ATG10: variants seen among roughly 807,000 people sequenced by gnomAD.
ATG10 encodes ubiquitin-like-conjugating enzyme ATG10.
ATG10 carries 30 observed loss-of-function variants against 32.1 expected under a neutral mutation model. The observed-to-expected ratio is 0.94, with a 90% CI of 0.70 to 1.27. The LOEUF (loss-of-function observed/expected upper bound fraction) is 1.27, where lower values mean the gene tolerates loss of function less well. Ranked by LOEUF, ATG10 falls within the 50% of genes most tolerant of loss-of-function variation. The pLI, the probability that ATG10 is intolerant of heterozygous loss-of-function variation, is 0.00. For missense variants in ATG10, 233 were observed against 262.3 expected (o/e 0.89, Z 0.77); for synonymous variants, 87 against 91.5 (o/e 0.95, Z 0.28).
At chr5:82,083,317 A>G (rs556483909) in intron 3 of ATG10, among the ~76,000 whole-genome samples, 13 of 152,314 alleles carry the variant, frequency 8.5e-5, no homozygotes, top group Non-Finnish European at 1.0e-4. Context: ...TTGCGTAGGT[A>G]AACAAAGTGG....
intron 3 of ATG10, among the ~76,000 whole-genome samples, chr5:82,139,471 G>A (rs1319640047): frequency 7.2e-6 from 1 of 138,980 alleles, no homozygotes; most frequent in African/African-American, 2.7e-5. Flanking sequence ...CGTCTGAGAT[G>A]TGGGGAGCGC....
At chr5:82,199,158 A>C (rs990803904) in intron 5 of ATG10, among the ~76,000 whole-genome samples, 4 of 152,214 alleles carry the variant, frequency 2.6e-5, no homozygotes, top group Non-Finnish European at 5.9e-5. Context: ...CAAGGTAAGG[A>C]ATCTTCAAAT....
chr5:81,999,970 T>C (rs1400394176), intron 2 of ATG10, among the ~76,000 whole-genome samples: 5 of 152,106 alleles, frequency 3.3e-5, no homozygotes, highest in Non-Finnish European at 7.4e-5. Context: ...GTACTATTCC[T>C]CTTGAAATTA....
intron 3 of ATG10, among the ~76,000 whole-genome samples, chr5:82,152,878 T>C (rs1337263300): frequency 6.6e-6 from 1 of 152,202 alleles, no homozygotes; most frequent in Non-Finnish European, 1.5e-5. Context: ...CTCTGATTTA[T>C]AGGATGAAAA....
chr5:82,127,429 A>T (rs975320671), intron 3 of ATG10, among the ~76,000 whole-genome samples: 1 of 152,014 alleles, frequency 6.6e-6, no homozygotes, highest in South Asian at 2.1e-4. Context: ...TAGTGCTGTA[A>T]ATTTTCCTCT....
rs71000891 is a variant in ATG10, at chr5:82,254,919, T to TGTGTGTGTGG, written c.*858_*859insGTGTGTGGGT. ...GTGTGAGTGTGTGTGTGTGTGTGTG[T>TGTGTGTGTGG]GTATGTGTGGGTGTTTGTGTAGATA... On this transcript the variant is annotated 3_prime_UTR_variant, in exon 8 of 8. Transcript: ENST00000282185. The TGTGTGTGTGG allele has an allele frequency of 6.6e-6, 1 of 151,814 alleles. No individual in the cohort carries two copies. Among genetic ancestry groups the TGTGTGTGTGG allele is most frequent in the African/African-American group, 2.4e-5 (1 of 41,404 alleles). The allele number at this position is 151,814 out of a possible 1,614,324, so 9.4% of individuals were successfully genotyped here.
chr5:82,179,136 C>T (rs923729835), intron 5 of ATG10, among the ~76,000 whole-genome samples: 2 of 151,984 alleles, frequency 1.3e-5, no homozygotes, highest in Non-Finnish European at 2.9e-5. Context: ...AAGTGAAAAA[C>T]AGAATGGTTG....
In ATG10 at chr5:82,254,838, A is replaced by T. The variant is rs747503852; in HGVS notation, c.*775A>T. ...TATCTTAAGTGATTTTCCCACAATCAAACTCAGGAACAATAGATTATTTCT... is the reference window on the plus strand; with the variant it reads ...TATCTTAAGTGATTTTCCCACAATCTAACTCAGGAACAATAGATTATTTCT... On this transcript the variant is annotated 3_prime_UTR_variant, in exon 8 of 8. Coordinates refer to ENST00000282185, the MANE Select transcript of ATG10 (RefSeq NM_031482.5). The T allele has an allele frequency of 6.6e-6, 1 of 152,106 alleles. No homozygotes were observed. Among genetic ancestry groups the T allele is most frequent in the African/African-American group, 2.4e-5 (1 of 41,426 alleles). 9.4% of individuals were successfully genotyped at this position (152,106 alleles called of 1,614,324 possible).
intron 3 of ATG10, among the ~76,000 whole-genome samples, chr5:82,128,232 C>G (rs1049064003): frequency 2.5e-5 from 3 of 119,506 alleles, no homozygotes; most frequent in African/African-American, 8.9e-5. Flanking sequence ...TGGGTCTTGA[C>G]TCTTTATCCA....
chr5:82,022,850 G>C (rs1762483152), intron 2 of ATG10, among the ~76,000 whole-genome samples: 1 of 151,892 alleles, frequency 6.6e-6, no homozygotes, highest in African/African-American at 2.4e-5. Context: ...GAACCAAGGT[G>C]TGTCTGCCTC....
intron 3 of ATG10, among the ~76,000 whole-genome samples, chr5:82,066,720 A>G (rs575980546): frequency 6.6e-6 from 1 of 152,308 alleles, no homozygotes; most frequent in African/African-American, 2.4e-5. Flanking sequence ...GCCTTGAAAT[A>G]CACTCATTTG....
chr5:82,177,840 G>C (rs566619144), intron 4 of ATG10, among the ~76,000 whole-genome samples: 1 of 152,160 alleles, frequency 6.6e-6, no homozygotes, highest in Non-Finnish European at 1.5e-5. Flanking sequence ...CCCACCCCAA[G>C]AGTCCCTTTC....
chr5:82,044,271 C>CTTATGAGAACTCACTCACTA (rs1763171015), intron 2 of ATG10, among the ~76,000 whole-genome samples: 2 of 152,080 alleles, frequency 1.3e-5, no homozygotes, highest in African/African-American at 4.8e-5. Flanking sequence ...ACCATCACAT[C>CTTATGAGAACTCACTCACTA]TTATGAGAAC....
chr5:81,986,675 AT>A, intron 1 of ATG10, among the ~76,000 whole-genome samples: 1 of 152,192 alleles, frequency 6.6e-6, no homozygotes, highest in East Asian at 1.9e-4. Context: ...AGTTTATATG[AT>A]TTTAATTCAA....
At chr5:82,242,828 T>G in intron 5 of ATG10, 1 of 452,148 alleles carries the variant, frequency 2.2e-6, no homozygotes, top group East Asian at 7.0e-5. Flanking sequence ...GAAGGACATA[T>G]TTCAGTGACA....
rs546174813 is a variant in ATG10, at chr5:82,186,348, C to T, written c.453+7761C>T. ...CTACCTTGCAGGCTTTTTGTAGAAACGTTCCTATGTTTTAGCAGTATTCAG... is the reference window on the plus strand; with the variant it reads ...CTACCTTGCAGGCTTTTTGTAGAAATGTTCCTATGTTTTAGCAGTATTCAG... On this transcript the variant is annotated intron_variant, in intron 5 of 7. Coordinates refer to ENST00000282185, the MANE Select transcript of ATG10 (RefSeq NM_031482.5). Among the ~76,000 whole-genome samples the T allele has an allele frequency of 4.6e-5, 7 of 152,254 alleles. No homozygotes were observed. The East Asian group carries it at 1.3e-3, about 29-fold the overall frequency.
chr5:82,124,699 A>G (rs1442769118), intron 3 of ATG10, among the ~76,000 whole-genome samples: 1 of 152,018 alleles, frequency 6.6e-6, no homozygotes, highest in Non-Finnish European at 1.5e-5. Flanking sequence ...ATTGATGGGC[A>G]TTTGGGTTGG....
chr5:82,190,769 A>G (rs1025230675), intron 5 of ATG10, among the ~76,000 whole-genome samples: 1 of 85,226 alleles, frequency 1.2e-5, no homozygotes, highest in African/African-American at 5.7e-5. Flanking sequence ...GTGAGACTCC[A>G]TCTCAAAAAA....
chr5:82,196,642 G>A (rs1744861592), intron 5 of ATG10, among the ~76,000 whole-genome samples: 1 of 152,224 alleles, frequency 6.6e-6, no homozygotes, highest in South Asian at 2.1e-4. Context: ...TATTTGTAAA[G>A]ACTATTCTTT....
Sources: gnomAD v4.1 joint callset for allele counts (sites outside exome capture counted in the v4.1 genomes callset) on GRCh38, gnomAD v4.1.1 for gene constraint, MANE v1.5 for transcripts, NCBI Gene and HGNC (gene_info 2026-07-23, HGNC 2026-07-21) for gene names.